RAP1A: variants seen among roughly 807,000 people sequenced by gnomAD.
RAP1A encodes ras-related protein Rap-1A.
In RAP1A, 6 loss-of-function variants were observed where a neutral mutation model predicts 26.4. The ratio of observed to expected loss-of-function variants is 0.23; its 90% CI spans 0.12 to 0.45. The LOEUF (loss-of-function observed/expected upper bound fraction) is 0.45, where lower values mean the gene tolerates loss of function less well. RAP1A is among the 20% of genes least tolerant of loss of function. The pLI is 0.99. For missense variants in RAP1A, 121 were observed against 217.2 expected (o/e 0.56, Z 2.78); for synonymous variants, 73 against 79.4 (o/e 0.92, Z 0.43).
At chr1:111,655,636 G>A (rs1425920427) in intron 1 of RAP1A, among the ~76,000 whole-genome samples, 1 of 120,550 alleles carries the variant, frequency 8.3e-6, no homozygotes, top group Non-Finnish European at 1.8e-5. Context: ...TCTCCATGAA[G>A]AACCTTAAAA....
intron 1 of RAP1A, among the ~76,000 whole-genome samples, chr1:111,566,935 T>G (rs1319118979): frequency 6.6e-6 from 1 of 151,332 alleles, no homozygotes; most frequent in Non-Finnish European, 1.5e-5. Flanking sequence ...CAATTATGAA[T>G]TTAAAATCAC....
chr1:111,598,220 A>G (rs1007785877), intron 1 of RAP1A, among the ~76,000 whole-genome samples: 3 of 152,232 alleles, frequency 2.0e-5, no homozygotes, highest in African/African-American at 7.2e-5. Flanking sequence ...TGGAATCTAA[A>G]TAGCTAACAT....
At chr1:111,546,160 G>A (rs1042394344) in intron 1 of RAP1A, among the ~76,000 whole-genome samples, 23 of 152,060 alleles carry the variant, frequency 1.5e-4, no homozygotes, top group Non-Finnish European at 1.5e-4. Context: ...AAAAACCAAG[G>A]AGGCAGTTTG....
chr1:111,696,054 C>T (rs1447699810), intron 3 of RAP1A, among the ~76,000 whole-genome samples: 2 of 152,100 alleles, frequency 1.3e-5, no homozygotes, highest in East Asian at 3.8e-4. Flanking sequence ...TCTGCACCTT[C>T]CCCTCAGTTT....
intron 1 of RAP1A, among the ~76,000 whole-genome samples, chr1:111,635,062 C>T (rs1313935715): frequency 1.3e-5 from 2 of 151,988 alleles, no homozygotes; most frequent in East Asian, 3.8e-4. Flanking sequence ...GAGTTAAAGG[C>T]TTTACAAATA....
intron 1 of RAP1A, among the ~76,000 whole-genome samples, chr1:111,656,053 G>T (rs537767470): frequency 6.6e-6 from 1 of 151,902 alleles, no homozygotes; most frequent in East Asian, 1.9e-4. Context: ...ATGACAACTG[G>T]ATAAAAGTGT....
intron 1 of RAP1A, among the ~76,000 whole-genome samples, chr1:111,683,996 G>T (rs1319235184): frequency 3.3e-5 from 5 of 152,206 alleles, no homozygotes; most frequent in Non-Finnish European, 5.9e-5. Flanking sequence ...GGGGTGCAAA[G>T]TTGGTTCAAC....
intron 1 of RAP1A, among the ~76,000 whole-genome samples, chr1:111,605,372 C>A (rs1340593097): frequency 4.6e-5 from 7 of 152,184 alleles, no homozygotes; most frequent in Admixed American, 6.6e-5. Context: ...AAAAAATATT[C>A]ACTGAGGTCA....
Position 111,556,121 on chromosome 1 carries a change from C to T in RAP1A, c.-28+13612C>T, listed in dbSNP as rs112649658. On this transcript the variant is annotated intron_variant, in intron 1 of 7. Coordinates refer to the RAP1A transcript ENST00000356415. ...AAAAAGGGCAAAGGACTTCAGTAAACGTTTCTCCAAAGAGATATACAAATG... is the reference window on the plus strand; with the variant it reads ...AAAAAGGGCAAAGGACTTCAGTAAATGTTTCTCCAAAGAGATATACAAATG... Among the ~76,000 whole-genome samples the T allele has an allele frequency of 1.6e-3, 243 of 152,222 alleles. 1 individual carries two copies. Among genetic ancestry groups the T allele is most frequent in the African/African-American group, 5.5e-3 (229 of 41,558 alleles).
intron 3 of RAP1A, 69 bp downstream of exon 3, chr1:111,695,478 AT>A: frequency 1.7e-6 from 2 of 1,184,314 alleles, no homozygotes; most frequent in Non-Finnish European, 2.3e-6. Context: ...TGATCTGTAG[AT>A]TTGCTTTTTG....
intron 4 of RAP1A, among the ~76,000 whole-genome samples, chr1:111,698,022 A>T (rs1240186150): frequency 6.6e-6 from 1 of 152,124 alleles, no homozygotes; most frequent in Non-Finnish European, 1.5e-5. Context: ...GGTGTTTGTG[A>T]TAAGCAAATG....
chr1:111,593,151 G>A (rs556691253), intron 1 of RAP1A, among the ~76,000 whole-genome samples: 1 of 152,264 alleles, frequency 6.6e-6, no homozygotes, highest in Admixed American at 6.5e-5. Flanking sequence ...GTCACACCCT[G>A]GCTGACTCAA....
At chr1:111,702,282 C>T (rs1353072848) in intron 4 of RAP1A, among the ~76,000 whole-genome samples, 1 of 152,046 alleles carries the variant, frequency 6.6e-6, no homozygotes, top group East Asian at 1.9e-4. Flanking sequence ...TTTTAATATT[C>T]TGCCATATGT....
At chr1:111,681,286 C>G (rs1661286231) in intron 1 of RAP1A, among the ~76,000 whole-genome samples, 1 of 152,136 alleles carries the variant, frequency 6.6e-6, no homozygotes, top group Non-Finnish European at 1.5e-5. Context: ...ACCAGCATGC[C>G]TCTTCTCCTC....
chr1:111,625,285 G>A (rs1659360027), intron 1 of RAP1A, among the ~76,000 whole-genome samples: 1 of 151,990 alleles, frequency 6.6e-6, no homozygotes. Flanking sequence ...GTTCATGATA[G>A]GACTGTGGTT....
chr1:111,607,817 G>C (rs1658825599), intron 1 of RAP1A, among the ~76,000 whole-genome samples: 1 of 131,028 alleles, frequency 7.6e-6, no homozygotes, highest in South Asian at 2.3e-4. Context: ...CGGGCGGGGG[G>C]CTGACCCCCC....
intron 1 of RAP1A, among the ~76,000 whole-genome samples, chr1:111,600,431 C>T (rs766938603): frequency 4.6e-5 from 7 of 152,224 alleles, no homozygotes; most frequent in Non-Finnish European, 7.3e-5. Context: ...GTGATAGAGG[C>T]TAGCAAGCCT....
At chr1:111,637,998 C>T (rs1054113468) in intron 1 of RAP1A, among the ~76,000 whole-genome samples, 1 of 151,920 alleles carries the variant, frequency 6.6e-6, no homozygotes, top group African/African-American at 2.4e-5. Context: ...TCCCCAAGGA[C>T]AGCCACCATC....
At chr1:111,552,325 C>A (rs2789533) in intron 1 of RAP1A, among the ~76,000 whole-genome samples, 68 of 152,270 alleles carry the variant, frequency 4.5e-4, no homozygotes, top group Non-Finnish European at 8.8e-4. Context: ...AGCTGGGGAG[C>A]TAGAGATGGA....
Sources: gnomAD v4.1 joint callset for allele counts (sites outside exome capture counted in the v4.1 genomes callset) on GRCh38, gnomAD v4.1.1 for gene constraint, MANE v1.5 for transcripts, NCBI Gene and HGNC (gene_info 2026-07-23, HGNC 2026-07-21) for gene names.